Variants in PALS2 observed in about 807,000 individuals in gnomAD.
PALS2 encodes the protein protein PALS2.
Under a neutral mutation model 61.6 loss-of-function variants are expected in PALS2, and 27 were observed. The ratio of observed to expected loss-of-function variants is 0.44; its 90% CI spans 0.32 to 0.60. The LOEUF (loss-of-function observed/expected upper bound fraction) is 0.60. PALS2 is among the 20% of genes least tolerant of loss of function. The pLI, the probability that PALS2 is intolerant of heterozygous loss-of-function variation, is 0.05. For synonymous variants in PALS2, 236 were observed against 218.6 expected, an observed-to-expected ratio of 1.08 and a Z score of -0.70; for missense variants, 554 against 639.4, an observed-to-expected ratio of 0.87 and a Z score of 1.44.
At chr7:24,648,289 C>CT (rs1265008724) in intron 3 of PALS2, among the ~76,000 whole-genome samples, 6,842 of 118,738 alleles carry the variant, frequency 0.058, 248 homozygotes, top group Non-Finnish European at 0.077. Flanking sequence ...AAAAATTATT[C>CT]TTTTTTTTTT....
rs757151060 is a variant in PALS2 at position 24,690,612 on chromosome 7, G to A, written c.*2998G>A. On this transcript the variant is annotated 3_prime_UTR_variant, in exon 12 of 12. Transcript: ENST00000222644. ...CCATAGAGGTGATGTGCCTGGATAAGTCATTTAACCATAGCTTAGTGAAAT... is the reference window on the plus strand; with the variant it reads ...CCATAGAGGTGATGTGCCTGGATAAATCATTTAACCATAGCTTAGTGAAAT... 2 of 152,106 alleles carry A rather than the reference G, an allele frequency of 1.3e-5. No homozygotes were observed. The highest frequency in any genetic ancestry group is 2.9e-5 in the Non-Finnish European group (2 of 68,008). The allele number at this position is 152,106 out of a possible 1,614,324, so 9.4% of individuals were successfully genotyped here.
chr7:24,630,137 G>C (rs1026137395), intron 2 of PALS2, among the ~76,000 whole-genome samples: 1 of 152,146 alleles, frequency 6.6e-6, no homozygotes, highest in Non-Finnish European at 1.5e-5. Context: ...CCATGGAATA[G>C]TATGCGGCCA....
intron 11 of PALS2, among the ~76,000 whole-genome samples, chr7:24,681,790 C>T (rs1316304990): frequency 1.3e-5 from 2 of 152,274 alleles, no homozygotes; most frequent in South Asian, 4.1e-4. Flanking sequence ...CTGCTCCCCA[C>T]ACCCTTCCCC....
chr7:24,597,113 T>A (rs2128045870), intron 1 of PALS2: 1 of 152,142 alleles, frequency 6.6e-6, no homozygotes, highest in African/African-American at 2.4e-5. Flanking sequence ...AGTCAGTGAG[T>A]AGTTTTCAAA....
rs1788446674 is a variant in PALS2, at chr7:24,691,144, G to C, written c.*3530G>C. On this transcript the variant is annotated 3_prime_UTR_variant, in exon 12 of 12. Coordinates refer to ENST00000222644, the MANE Select transcript of PALS2 (RefSeq NM_001303037.2). The stretch of plus-strand genomic sequence containing the variant: ...TTCAAGGTGGATAGCCATAGAGTTA[G>C]GTAAAATTATTTTGAATTGGCAAAC... 6.6e-6 allele frequency: 1 copy of C among 151,644 alleles called. No individual in the cohort carries two copies. The highest frequency in any genetic ancestry group is 1.5e-5 in the Non-Finnish European group (1 of 67,878). 9.4% of individuals were successfully genotyped at this position (151,644 alleles called of 1,614,324 possible).
chr7:24,635,975 G>T (rs1227698153), intron 2 of PALS2, among the ~76,000 whole-genome samples: 1 of 152,056 alleles, frequency 6.6e-6, no homozygotes, highest in South Asian at 2.1e-4. Flanking sequence ...ACTTTGGGAG[G>T]CTGAGGCGGG....
chr7:24,667,015 A>T (rs1787052385), intron 8 of PALS2: 1 of 152,156 alleles, frequency 6.6e-6, no homozygotes, highest in Non-Finnish European at 1.5e-5. Flanking sequence ...ATAAAAGAAA[A>T]TAATATAGAA....
At chr7:24,645,957 A>G (rs1445443026) in intron 3 of PALS2, among the ~76,000 whole-genome samples, 2 of 152,136 alleles carry the variant, frequency 1.3e-5, no homozygotes, top group Non-Finnish European at 2.9e-5. Context: ...TGATTTTTGT[A>G]CATTGATTTT....
At position 24,581,367 on chromosome 7, in the gene PALS2, C is replaced by G. The variant is rs181655526; in HGVS notation, c.-3+7774C>G. Among the ~76,000 whole-genome samples, 349 of 152,150 alleles carry G rather than the reference C, an allele frequency of 2.3e-3. 1 individual carries two copies. Among genetic ancestry groups the G allele is most frequent in the African/African-American group, 7.9e-3 (329 of 41,508 alleles). On this transcript the variant is annotated intron_variant, in intron 1 of 11. Coordinates refer to ENST00000222644, the MANE Select transcript of PALS2 (RefSeq NM_001303037.2). ...GTGCTCTCTGGAATAACCTCCCCAT[C>G]ACAAGATCTTTAATCACACCTGTGA...
intron 5 of PALS2, among the ~76,000 whole-genome samples, chr7:24,660,794 C>T (rs1415821552): frequency 7.9e-5 from 12 of 152,202 alleles, no homozygotes; most frequent in Non-Finnish European, 1.5e-5. Flanking sequence ...CAGCTATTGC[C>T]AAATTGTCCT....
At chr7:24,650,271 A>G (rs1786070242) in intron 4 of PALS2, among the ~76,000 whole-genome samples, 1 of 152,166 alleles carries the variant, frequency 6.6e-6, no homozygotes, top group Admixed American at 6.5e-5. Context: ...TCGAGTTTCC[A>G]TTTAGCCTGT....
At chr7:24,679,356 C>G in intron 10 of PALS2, 23 bp downstream of exon 10, 1 of 1,609,250 alleles carries the variant, frequency 6.2e-7, no homozygotes, top group South Asian at 1.1e-5. Flanking sequence ...GATTCCAAAG[C>G]TGTTTTATAT....
chr7:24,601,470 C>T (rs755458632), intron 1 of PALS2, among the ~76,000 whole-genome samples: 2 of 152,086 alleles, frequency 1.3e-5, no homozygotes, highest in Non-Finnish European at 2.9e-5. Context: ...AAGCTGAATA[C>T]GGACTCATTT....
chr7:24,665,821 A>G (rs955553572), intron 7 of PALS2, 134 bp downstream of exon 7: 12 of 974,900 alleles, frequency 1.2e-5, no homozygotes, highest in African/African-American at 3.3e-5. Context: ...TCTCTCGCTC[A>G]TAAGTAATCT....
chr7:24,648,277 G>A (rs1452603238), intron 3 of PALS2, among the ~76,000 whole-genome samples: 4 of 147,742 alleles, frequency 2.7e-5, no homozygotes, highest in African/African-American at 9.9e-5. Context: ...CACAGTTGCA[G>A]TAAAAATTAT....
intron 2 of PALS2, 145 bp from the exon 3 acceptor site, chr7:24,641,571 G>T: frequency 4.7e-6 from 3 of 634,984 alleles, no homozygotes; most frequent in Non-Finnish European, 7.7e-6. Flanking sequence ...TCTATATATT[G>T]CCTCTGGTTG....
chr7:24,619,185 A>T (rs528205035), intron 1 of PALS2, among the ~76,000 whole-genome samples: 1 of 152,156 alleles, frequency 6.6e-6, no homozygotes, highest in East Asian at 1.9e-4. Flanking sequence ...TAATGGGAGT[A>T]TTCTTCCGCT....
chr7:24,600,925 T>C (rs921002615), intron 1 of PALS2, among the ~76,000 whole-genome samples: 4 of 152,162 alleles, frequency 2.6e-5, no homozygotes, highest in Admixed American at 6.5e-5. Flanking sequence ...ATGATAGATA[T>C]ACTTTTTTTT....
chr7:24,575,324 A>G (rs970699024), intron 1 of PALS2, among the ~76,000 whole-genome samples: 10 of 152,220 alleles, frequency 6.6e-5, no homozygotes, highest in African/African-American at 2.2e-4. Flanking sequence ...AAGCAAGTCT[A>G]GTAGCTCTAT....
Sources: allele counts gnomAD v4.1 joint callset (sites outside exome capture counted in the v4.1 genomes callset), GRCh38; gene constraint gnomAD v4.1.1; transcripts MANE v1.5; gene names NCBI Gene and HGNC (gene_info 2026-07-23, HGNC 2026-07-21).